The following PDCD6 variants were observed in gnomAD, a reference collection of about 807,000 sequenced individuals.
The protein encoded by PDCD6 is programmed cell death 6, also known as programmed cell death protein 6.
Under a neutral mutation model 28.3 loss-of-function variants are expected in PDCD6, and 12 were observed. The observed-to-expected ratio is 0.42, with a 90% CI of 0.27 to 0.69. The LOEUF (loss-of-function observed/expected upper bound fraction) is 0.69, where lower values mean the gene tolerates loss of function less well. Among genes scored for constraint, PDCD6 ranks in the 30% least tolerant of loss-of-function variants. PDCD6 has a pLI of 0.22. For missense variants in PDCD6, 226 were observed against 269.9 expected (o/e 0.84, Z 1.14); for synonymous variants, 92 against 108.0 (o/e 0.85, Z 0.92).
intron 2 of PDCD6, among the ~76,000 whole-genome samples, chr5:275,259 A>G (rs763203287): frequency 1.3e-5 from 2 of 152,264 alleles, no homozygotes; most frequent in Middle Eastern, 3.4e-3. Flanking sequence ...TGTTGCCTGA[A>G]TTGCCCTGGG....
intron 4 of PDCD6, chr5:311,004 A>G (rs1466712669): frequency 2.8e-6 from 1 of 357,674 alleles, no homozygotes; most frequent in Non-Finnish European, 5.1e-6. Flanking sequence ...CCCGGAGGTG[A>G]GTAGTTAATT....
At chr5:290,365 C>G in intron 2 of PDCD6, 1 of 1,011,204 alleles carries the variant, frequency 9.9e-7, no homozygotes, top group Non-Finnish European at 1.5e-6. Flanking sequence ...CTCCGCAGGT[C>G]TCTTGGGGAC....
At chr5:290,394 C>G (rs1739245269) in intron 2 of PDCD6, 4 of 797,290 alleles carry the variant, frequency 5.0e-6, no homozygotes, top group East Asian at 4.9e-5. Context: ...CTCCCCCCAC[C>G]CCCCGACGTC....
chr5:306,334 GGC>G, intron 3 of PDCD6: 2 of 403,600 alleles, frequency 5.0e-6, no homozygotes, highest in African/African-American at 2.0e-5. Flanking sequence ...CCCATTGCAC[GGC>G]CTGCCTCACA....
chr5:311,138 G>A (rs1740887662), intron 4 of PDCD6, 155 bp from the exon 5 acceptor site: 2 of 670,810 alleles, frequency 3.0e-6, no homozygotes, highest in Non-Finnish European at 5.4e-6. Flanking sequence ...AAGTGTCTCA[G>A]TTCTGAGTGC....
chr5:274,675 C>A (rs529097708), intron 2 of PDCD6, among the ~76,000 whole-genome samples: 2 of 152,150 alleles, frequency 1.3e-5, no homozygotes, highest in Non-Finnish European at 2.9e-5. Flanking sequence ...AACACTCACA[C>A]GCTGGGCTAG....
At chr5:299,751 A>G (rs183422781) in intron 2 of PDCD6, among the ~76,000 whole-genome samples, 2,545 of 152,196 alleles carry the variant, frequency 0.017, 24 homozygotes, top group Middle Eastern at 0.088. Context: ...GGGTTTCACC[A>G]TATTAGCCAG....
intron 4 of PDCD6, 83 bp downstream of exon 4, chr5:306,843 T>G: frequency 7.4e-7 from 1 of 1,356,444 alleles, no homozygotes; most frequent in East Asian, 2.3e-5. Context: ...TTGTTGGACT[T>G]AACTGATTGT....
At position 289,441 on chromosome 5, in the gene PDCD6, C is replaced by T. The variant is rs73730802; in HGVS notation, c.164-14736C>T. On this transcript the variant is annotated intron_variant, in intron 2 of 5. Coordinates refer to ENST00000264933, the MANE Select transcript of PDCD6 (RefSeq NM_013232.4). ...CTTCCTCTTCATCCTCTTCTGTACG[C>T]GCTGCCGGGTACAACGGCTTTCTTT... 22,885 of 692,194 alleles carry T rather than the reference C, an allele frequency of 0.033. 3,372 individuals carry two copies. In the African/African-American group the frequency reaches 0.34, roughly 10 times the overall value. The allele number at this position is 692,194 out of a possible 1,614,324, so 42.9% of individuals were successfully genotyped here. A position where few individuals can be genotyped will look rare whatever the true frequency, so the allele number is the denominator to read the frequency against.
At chr5:297,414 A>G (rs549168397) in intron 2 of PDCD6, among the ~76,000 whole-genome samples, 2 of 152,380 alleles carry the variant, frequency 1.3e-5, no homozygotes, top group African/African-American at 4.8e-5. Context: ...AAAATCAGCC[A>G]TGTAGGCGAT....
At chr5:277,299 GTATT>G (rs1738259645) in intron 2 of PDCD6, among the ~76,000 whole-genome samples, 2 of 99,820 alleles carry the variant, frequency 2.0e-5, no homozygotes, top group Non-Finnish European at 2.1e-5. Flanking sequence ...CTAATTTTTT[GTATT>G]TTTTTTTTTT....
chr5:299,369 C>A (rs1344642837), intron 2 of PDCD6, among the ~76,000 whole-genome samples: 13 of 148,326 alleles, frequency 8.8e-5, no homozygotes, highest in African/African-American at 3.0e-4. Flanking sequence ...CGTCACCTCC[C>A]TGGCGAGACC....
At chr5:301,343 A>T (rs961757442) in intron 2 of PDCD6, among the ~76,000 whole-genome samples, 2 of 152,168 alleles carry the variant, frequency 1.3e-5, no homozygotes, top group Admixed American at 6.5e-5. Flanking sequence ...AGAACGGGGG[A>T]GACCAGATGG....
rs548861291 is a variant in PDCD6 at position 310,503 on chromosome 5, C to T, written c.368-790C>T. On this transcript the variant is annotated intron_variant, in intron 4 of 5. Transcript: ENST00000264933. ...CTCCTGAGTCAGTAAGGATATGCCA[C>T]AGTCACGAAGGCAGTGGGATTTCGA... 10 of 152,506 alleles carry T rather than the reference C, an allele frequency of 6.6e-5. 1 individual carries two copies. The highest frequency in any genetic ancestry group is 2.4e-4 in the African/African-American group (10 of 41,586). The allele number at this position is 152,506 out of a possible 1,614,324, so 9.4% of individuals were successfully genotyped here.
At chr5:280,825 AAG>A (rs1738519605) in intron 2 of PDCD6, among the ~76,000 whole-genome samples, 2 of 150,660 alleles carry the variant, frequency 1.3e-5, no homozygotes, top group African/African-American at 4.9e-5. Flanking sequence ...GCTGGCATTT[AAG>A]AGGGGAGACC....
intron 2 of PDCD6, among the ~76,000 whole-genome samples, chr5:275,750 C>A (rs1338995331): frequency 6.6e-6 from 1 of 152,230 alleles, no homozygotes; most frequent in Admixed American, 6.5e-5. Context: ...GTCGGTGCTC[C>A]CTTTCCGGGT....
At chr5:272,391 C>T (rs868694057) in intron 1 of PDCD6, among the ~76,000 whole-genome samples, 218 of 144,964 alleles carry the variant, frequency 1.5e-3, no homozygotes, top group Middle Eastern at 3.5e-3. Flanking sequence ...GACTGATGGC[C>T]AGGGAATGGC....
rs878926845 is a variant in PDCD6, at chr5:311,500, G to A, written c.477+98G>A. On this transcript the variant is annotated intron_variant, in intron 5 of 5. Coordinates refer to ENST00000264933, the MANE Select transcript of PDCD6 (RefSeq NM_013232.4). ...CTTCAATCTAAGGAGCTGGGCATGT[G>A]TAGAATTAGTTTTTGGAGCTTATAA... The A allele has an allele frequency of 9.9e-5, 76 of 771,520 alleles. 2 individuals carry two copies. In the South Asian group the frequency reaches 1.2e-3, roughly 12 times the overall value. The allele number at this position is 771,520 out of a possible 1,614,324, so 47.8% of individuals were successfully genotyped here. A position where few individuals can be genotyped will look rare whatever the true frequency, so the allele number is the denominator to read the frequency against.
chr5:302,592 G>A (rs1018404681), intron 2 of PDCD6, among the ~76,000 whole-genome samples: 1 of 147,738 alleles, frequency 6.8e-6, no homozygotes, highest in Non-Finnish European at 1.5e-5. Context: ...GCGGGTCATC[G>A]AGTGCTGCTC....
Sources: gnomAD v4.1 joint callset for allele counts (sites outside exome capture counted in the v4.1 genomes callset) on GRCh38, gnomAD v4.1.1 for gene constraint, MANE v1.5 for transcripts, NCBI Gene and HGNC (gene_info 2026-07-23, HGNC 2026-07-21) for gene names.